C11orf65: variants seen among roughly 807,000 people sequenced by gnomAD.
The protein encoded by C11orf65 is protein MFI.
A neutral mutation model predicts 35.3 loss-of-function variants in C11orf65; 38 were observed. The observed-to-expected ratio is 1.08, with a 90% CI of 0.83 to 1.41. C11orf65 has a LOEUF of 1.41. Ranked by LOEUF, C11orf65 falls within the 40% of genes most tolerant of loss-of-function variation. The probability of loss-of-function intolerance (pLI) is 0.00; values close to 1 mark genes in which losing one functional copy is unlikely to be tolerated. For missense variants in C11orf65, 370 were observed against 367.1 expected, an observed-to-expected ratio of 1.01 and a Z score of -0.06; for synonymous variants, 105 against 114.4, an observed-to-expected ratio of 0.92 and a Z score of 0.53.
chr11:108,312,619 A>G (rs995713122), intron 6 of C11orf65: 7 of 708,384 alleles, frequency 9.9e-6, no homozygotes, highest in Non-Finnish European at 1.7e-5. Flanking sequence ...TGGACTAAGC[A>G]TCATATATAT....
chr11:108,444,281 C>T (rs2093213302), intron 2 of C11orf65, among the ~76,000 whole-genome samples: 2 of 151,826 alleles, frequency 1.3e-5, no homozygotes, highest in Admixed American at 6.6e-5. Flanking sequence ...AAGATGAATC[C>T]CTGAATAGAC....
At chr11:108,357,671 C>G (rs1455111921) in intron 2 of C11orf65, among the ~76,000 whole-genome samples, 1 of 152,160 alleles carries the variant, frequency 6.6e-6, no homozygotes. Context: ...GGAGGCACCC[C>G]CCAGCAGGGG....
chr11:108,427,062 G>C (rs925475998), intron 3 of C11orf65, among the ~76,000 whole-genome samples: 1 of 152,024 alleles, frequency 6.6e-6, no homozygotes, highest in South Asian at 2.1e-4. Context: ...AGACTTAAAC[G>C]TAAGACCTAA....
At chr11:108,313,356 T>C (rs1439351725) in intron 6 of C11orf65, among the ~76,000 whole-genome samples, 1 of 152,180 alleles carries the variant, frequency 6.6e-6, no homozygotes, top group Non-Finnish European at 1.5e-5. Context: ...CCCTCTCTCT[T>C]CCTTCCTCTC....
At chr11:108,374,310 C>A (rs1412493386) in intron 2 of C11orf65, among the ~76,000 whole-genome samples, 1 of 152,210 alleles carries the variant, frequency 6.6e-6, no homozygotes, top group African/African-American at 2.4e-5. Flanking sequence ...AACGATCAGA[C>A]AGCAGCATTC....
At chr11:108,440,151 C>T (rs1047337807) in intron 2 of C11orf65, among the ~76,000 whole-genome samples, 1 of 152,158 alleles carries the variant, frequency 6.6e-6, no homozygotes, top group African/African-American at 2.4e-5. Flanking sequence ...GGTAAAAGTA[C>T]TAATTTAAGG....
chr11:108,373,376 G>T (rs181268934), intron 2 of C11orf65, among the ~76,000 whole-genome samples: 1 of 152,246 alleles, frequency 6.6e-6, no homozygotes, highest in South Asian at 2.1e-4. Context: ...TACAGCTCAC[G>T]TCATATTTAA....
intron 2 of C11orf65, chr11:108,336,057 G>A: frequency 1.1e-6 from 1 of 939,752 alleles, no homozygotes; most frequent in Non-Finnish European, 1.7e-6. Flanking sequence ...AATGCTTTGG[G>A]AGGCCAAGGT....
Position 108,406,767 on chromosome 11 carries a change from T to C in C11orf65, c.425A>G (p.Asp142Gly). 1.3e-6 allele frequency: 2 copies of C among 1,591,472 alleles called. No individual in the cohort carries two copies. Among genetic ancestry groups the C allele is most frequent in the South Asian group, 2.3e-5 (2 of 87,468 alleles). Residue 142 changes from aspartate to glycine, a missense_variant, in exon 5 of 9, where the codon GAT becomes GGT. Coordinates refer to ENST00000393084, the MANE Select transcript of C11orf65 (RefSeq NM_152587.5). ...TTAACATTTCTCTTTTCTTACTGTA[T>C]CAGAAACTGGCCTCCAGCCATTGTT... ...IENNGWRPVS[D>G]TFWLSTDGMV...
chr11:108,331,661 A>G (rs1003989988), intron 3 of C11orf65: 6 of 1,411,420 alleles, frequency 4.3e-6, no homozygotes, highest in Non-Finnish European at 4.7e-6. Context: ...TGGAAATACA[A>G]AATTTTGTAT....
intron 2 of C11orf65, among the ~76,000 whole-genome samples, chr11:108,438,272 T>C (rs2093095529): frequency 6.6e-6 from 1 of 152,106 alleles, no homozygotes; most frequent in Non-Finnish European, 1.5e-5. Context: ...AAGATTTAGG[T>C]GGCATGCAGT....
chr11:108,445,181 G>C (rs573837820), intron 2 of C11orf65, among the ~76,000 whole-genome samples: 1 of 152,186 alleles, frequency 6.6e-6, no homozygotes, highest in Non-Finnish European at 1.5e-5. Flanking sequence ...TCTGGGGGAA[G>C]GGCACAGACA....
chr11:108,438,317 C>T (rs959735575), intron 2 of C11orf65, among the ~76,000 whole-genome samples: 34 of 151,926 alleles, frequency 2.2e-4, no homozygotes, highest in African/African-American at 7.5e-4. Context: ...TTTGGGAGGC[C>T]GAGACGGGCA....
rs1445173794 is a variant in C11orf65 at position 108,406,953 on chromosome 11, G to A, written c.239C>T (p.Pro80Leu). Residue 80 changes from proline to leucine, a missense_variant, in exon 5 of 9, where the codon CCA (proline) becomes CTA (leucine). By Grantham distance (98) the Pro-to-Leu change is moderately conservative. Coordinates refer to ENST00000393084, the MANE Select transcript of C11orf65 (RefSeq NM_152587.5). The stretch of plus-strand genomic sequence containing the variant: ...AAAAATCTTATAGTATATATCAGGT[G>A]GAAATTTAACCTGTAGAAGGAAAAG... ...VRFRLGGVKF[P>L]PDIYYKIFTH... 9.3e-6 allele frequency: 15 copies of A among 1,606,752 alleles called. No individual in the cohort carries two copies. Among genetic ancestry groups the A allele is most frequent in the East Asian group, 2.2e-5 (1 of 44,760 alleles).
Position 108,343,448 on chromosome 11 carries a change from T to C in C11orf65, c.227-8156A>G, listed in dbSNP as rs75651990. 3,797 of 1,555,620 alleles carry C rather than the reference T, an allele frequency of 2.4e-3. 68 individuals are homozygous for C. In the African/African-American group the frequency reaches 0.037, roughly 15 times the overall value. ...TAAAGCTGACAGCTGTCAGATATTATAGAATACAAAAAAACTTTAATTTCA... is the reference window on the plus strand; with the variant it reads ...TAAAGCTGACAGCTGTCAGATATTACAGAATACAAAAAAACTTTAATTTCA... On this transcript the variant is annotated intron_variant, in intron 2 of 3. Coordinates refer to the C11orf65 transcript ENST00000524755.
intron 2 of C11orf65, among the ~76,000 whole-genome samples, chr11:108,342,201 C>A (rs190028946): frequency 2.0e-5 from 3 of 152,238 alleles, no homozygotes; most frequent in East Asian, 3.9e-4. Context: ...AGATTGGACA[C>A]CCCTGCCTAG....
intron 6 of C11orf65, among the ~76,000 whole-genome samples, chr11:108,395,093 T>C (rs2138455156): frequency 6.6e-6 from 1 of 151,778 alleles, no homozygotes; most frequent in Non-Finnish European, 1.5e-5. Context: ...ATAGCACTAC[T>C]GCACTCCAGC....
At chr11:108,317,986 TAGTC>T (rs2084894427) in intron 6 of C11orf65, among the ~76,000 whole-genome samples, 1 of 152,122 alleles carries the variant, frequency 6.6e-6, no homozygotes, top group African/African-American at 2.4e-5. Flanking sequence ...ACAAACATTT[TAGTC>T]AGTAAGATAG....
At chr11:108,460,968 G>A (rs1037859306) in intron 2 of C11orf65, among the ~76,000 whole-genome samples, 2 of 152,044 alleles carry the variant, frequency 1.3e-5, no homozygotes, top group African/African-American at 2.4e-5. Context: ...CAGATGATCC[G>A]CCTGCCTCAG....
Sources: allele counts gnomAD v4.1 joint callset (sites outside exome capture counted in the v4.1 genomes callset), GRCh38; gene constraint gnomAD v4.1.1; transcripts MANE v1.5; gene names NCBI Gene and HGNC (gene_info 2026-07-23, HGNC 2026-07-21).